The following SLC22A8 variants were observed in gnomAD, a reference collection of about 807,000 sequenced individuals.
SLC22A8 encodes the protein solute carrier family 22 member 8, also known as organic anion transporter 3.
In SLC22A8, 40 loss-of-function variants were observed where a neutral mutation model predicts 48.4. The ratio of observed to expected loss-of-function variants is 0.83; its 90% CI spans 0.64 to 1.08. The LOEUF (loss-of-function observed/expected upper bound fraction) is 1.08. SLC22A8 is among the 50% of genes least tolerant of loss of function. The probability of loss-of-function intolerance (pLI) is 0.00; values close to 1 mark genes in which losing one functional copy is unlikely to be tolerated. For missense variants in SLC22A8, 606 were observed against 699.0 expected, an observed-to-expected ratio of 0.87 and a Z score of 1.50; for synonymous variants, 268 against 286.3, an observed-to-expected ratio of 0.94 and a Z score of 0.65.
Position 62,998,924 on chromosome 11 carries a change from G to T in SLC22A8, c.758C>A (p.Ser253Tyr). Residue 253 changes from serine (S) to tyrosine (Y), a missense_variant, in exon 5 of 11, where the codon TCC becomes TAC. Physicochemically the swap from Ser to Tyr is moderately radical, Grantham distance 144. Transcript: ENST00000336232. ...SIPFFVFFLS[S>Y]WWTPESIRWL... ...TGAAGAGGAGAGGGCCACATACCAG[G>T]ATGATAGGAAGAAGACGAAGAAGGG... The T allele has an allele frequency of 6.2e-7, 1 of 1,605,714 alleles. No individual in the cohort carries two copies. The highest frequency in any genetic ancestry group is 8.5e-7 in the Non-Finnish European group (1 of 1,173,224).
chr11:63,006,503 G>A (rs1199209034), intron 2 of SLC22A8, among the ~76,000 whole-genome samples: 8 of 151,248 alleles, frequency 5.3e-5, no homozygotes, highest in Admixed American at 5.3e-4. Context: ...CCTCCAATAG[G>A]GCACCTATTA....
rs76994242 is a variant in SLC22A8, at chr11:63,007,651, T to C, written c.334-6828A>G. Among the ~76,000 whole-genome samples the C allele has an allele frequency of 1.9e-3, 283 of 152,316 alleles. 1 individual carries two copies. Among genetic ancestry groups the C allele is most frequent in the Non-Finnish European group, 3.6e-3 (243 of 68,024 alleles). ...CTAGTTCAGTGTTCTTGACCATCTT[T>C]TTCCTTTCTTGGAATGTAGCCGAGC... On this transcript the variant is annotated intron_variant, in intron 2 of 10. Transcript: ENST00000336232.
At position 63,014,969 on chromosome 11, in the gene SLC22A8, C is replaced by T; in HGVS notation, c.-11G>A. 1 of 1,534,426 alleles carries T rather than the reference C, an allele frequency of 6.5e-7. No homozygotes were observed. Among genetic ancestry groups the T allele is most frequent in the Non-Finnish European group, 8.8e-7 (1 of 1,136,012 alleles). ...CTCCGAGAAGGTCATGGCACTGGGG[C>T]AAGACGAGCCAGAGCTGTGGGCAGG... On this transcript the variant is annotated 5_prime_UTR_variant, in exon 2 of 11. Coordinates refer to ENST00000336232, the MANE Select transcript of SLC22A8 (RefSeq NM_004254.4).
intron 5 of SLC22A8, among the ~76,000 whole-genome samples, chr11:62,998,410 T>A (rs1233210070): frequency 2.6e-5 from 4 of 152,172 alleles, no homozygotes; most frequent in Non-Finnish European, 5.9e-5. Context: ...CTTTCCTTTG[T>A]ACTTCGACTC....
At chr11:63,008,704 T>C (rs2086583807) in intron 2 of SLC22A8, among the ~76,000 whole-genome samples, 1 of 152,126 alleles carries the variant, frequency 6.6e-6, no homozygotes, top group Admixed American at 6.5e-5. Context: ...CATTAAGTCA[T>C]TGTAAGGCCT....
chr11:62,998,367 T>A (rs2086448529), intron 5 of SLC22A8, among the ~76,000 whole-genome samples: 1 of 152,130 alleles, frequency 6.6e-6, no homozygotes, highest in African/African-American at 2.4e-5. Context: ...ACCTCCATTT[T>A]CCCAGGTTCC....
At chr11:62,998,731 C>T (rs72933455) in intron 5 of SLC22A8, among the ~76,000 whole-genome samples, 190 bp downstream of exon 5, 7,027 of 152,296 alleles carry the variant, frequency 0.046, 236 homozygotes, top group Middle Eastern at 0.088. Flanking sequence ...TCCTTCCCCA[C>T]GTGCCCCCAT....
At chr11:62,993,922 A>G (rs769437094) in intron 8 of SLC22A8, 44 bp from the exon 9 acceptor site, 1 of 1,216,228 alleles carries the variant, frequency 8.2e-7, no homozygotes, top group East Asian at 2.3e-5. Flanking sequence ...GTTCAGGAGC[A>G]CCTAAGAGTT....
chr11:62,993,500 C>G lies in SLC22A8; in HGVS notation c.1453G>C (p.Gly485Arg). The change falls in exon 10 of 11, where the codon GGG becomes CGG. Residue 485 changes from glycine (G) to arginine (R), a missense_variant. Physicochemically the swap from Gly to Arg is moderately radical, Grantham distance 125. Transcript: ENST00000336232. ...NIIYGITALL[G>R]GSAALFLPET... ...GGCAGGAAGAGGGCAGCACTGCCCC[C>G]GAGGAGGGCGGTGATCCCGTAGATG... 6.2e-7 allele frequency: 1 copy of G among 1,614,148 alleles called. No individual in the cohort carries two copies. The highest frequency in any genetic ancestry group is 1.6e-4 in the Middle Eastern group (1 of 6,062).
chr11:62,996,101 C>T lies in SLC22A8; in HGVS notation c.813G>A (p.Lys271=), dbSNP rs766142278. 6.2e-7 allele frequency: 1 copy of T among 1,613,848 alleles called. No homozygotes were observed. ...RWLVLSGKSS[K]ALKILRRVAV... Reference sequence around the variant, plus strand: ...CCACCCGCCGGAGTATCTTCAGGGCCTTCGAGGACTTTCCAGACAAGACCA... The same window carrying T: ...CCACCCGCCGGAGTATCTTCAGGGCTTTCGAGGACTTTCCAGACAAGACCA... The change falls in exon 6 of 11, where the codon AAG becomes AAA. Residue 271 remains lysine, a synonymous_variant. Transcript: ENST00000336232.
intron 6 of SLC22A8, 100 bp downstream of exon 6, chr11:62,995,929 G>T: frequency 6.4e-7 from 1 of 1,557,418 alleles, no homozygotes; most frequent in Non-Finnish European, 8.9e-7. Context: ...AATCAGATGT[G>T]GTATAGGCTG....
At chr11:62,997,917 C>T (rs999940032) in intron 5 of SLC22A8, among the ~76,000 whole-genome samples, 2 of 152,298 alleles carry the variant, frequency 1.3e-5, no homozygotes, top group Admixed American at 6.5e-5. Flanking sequence ...CACTTCTTTT[C>T]CTGAGCGCCT....
At chr11:63,004,412 A>G (rs1376938141) in intron 2 of SLC22A8, among the ~76,000 whole-genome samples, 1 of 152,128 alleles carries the variant, frequency 6.6e-6, no homozygotes, top group Non-Finnish European at 1.5e-5. Context: ...CTCTCGTTGA[A>G]TTGTTCGCCT....
intron 7 of SLC22A8, chr11:62,995,050 A>G (rs1421964957): frequency 4.3e-6 from 2 of 466,066 alleles, no homozygotes; most frequent in Non-Finnish European, 7.9e-6. Context: ...CGGAGACCAA[A>G]GGAGGCAGTA....
intron 2 of SLC22A8, among the ~76,000 whole-genome samples, chr11:63,006,448 G>A (rs55991802): frequency 0.019 from 2,892 of 152,056 alleles, 79 homozygotes; most frequent in African/African-American, 0.066. Flanking sequence ...GTGTCTAGCC[G>A]CCCAGGGTAG....
intron 2 of SLC22A8, among the ~76,000 whole-genome samples, chr11:63,011,374 G>C (rs1037200755): frequency 1.3e-5 from 2 of 152,222 alleles, no homozygotes; most frequent in African/African-American, 4.8e-5. Context: ...TGCAGTAAAT[G>C]TTATTGTGAT....
chr11:63,012,970 G>A (rs2086635915), intron 2 of SLC22A8, among the ~76,000 whole-genome samples: 2 of 152,138 alleles, frequency 1.3e-5, no homozygotes, highest in African/African-American at 2.4e-5. Context: ...AGCAGCAAAT[G>A]TCATGGTGTG....
intron 4 of SLC22A8, chr11:62,999,339 A>G: frequency 9.7e-6 from 5 of 513,024 alleles, no homozygotes; most frequent in East Asian, 3.0e-5. Flanking sequence ...TTCCAAACTC[A>G]TGCTCTTAAC....
At chr11:63,008,903 A>C (rs1021351604) in intron 2 of SLC22A8, among the ~76,000 whole-genome samples, 2 of 151,964 alleles carry the variant, frequency 1.3e-5, no homozygotes, top group African/African-American at 4.8e-5. Context: ...GTCACGAGAG[A>C]AGGGATGCAA....
Sources: allele counts gnomAD v4.1 joint callset (sites outside exome capture counted in the v4.1 genomes callset), GRCh38; gene constraint gnomAD v4.1.1; transcripts MANE v1.5; gene names NCBI Gene and HGNC (gene_info 2026-07-23, HGNC 2026-07-21).